Variants in LRRC4C observed in about 807,000 individuals in gnomAD.
The protein encoded by LRRC4C is leucine-rich repeat-containing protein 4C.
LRRC4C carries 5 observed loss-of-function variants against 33.6 expected under a neutral mutation model. The ratio of observed to expected loss-of-function variants is 0.15; its 90% CI spans 0.08 to 0.31. The LOEUF is 0.31. LRRC4C is among the 10% of genes least tolerant of loss of function. The probability of loss-of-function intolerance (pLI) is 1.00; values close to 1 mark genes in which losing one functional copy is unlikely to be tolerated. For missense variants in LRRC4C, 560 were observed against 796.7 expected (o/e 0.70, Z 3.58); for synonymous variants, 329 against 302.0 (o/e 1.09, Z -0.93).
chr11:40,500,946 G>C (rs543262262), intron 3 of LRRC4C, among the ~76,000 whole-genome samples: 1 of 151,888 alleles, frequency 6.6e-6, no homozygotes, highest in Non-Finnish European at 1.5e-5. Flanking sequence ...TCAAAAGAAA[G>C]TTAGTTACTT....
chr11:41,030,082 T>C (rs1318654529), intron 1 of LRRC4C, among the ~76,000 whole-genome samples: 1 of 151,868 alleles, frequency 6.6e-6, no homozygotes, highest in Non-Finnish European at 1.5e-5. Flanking sequence ...CATTTTGCAA[T>C]TCAGTGCTCA....
chr11:41,134,296 C>T (rs1943156311), intron 1 of LRRC4C, among the ~76,000 whole-genome samples: 2 of 152,040 alleles, frequency 1.3e-5, no homozygotes, highest in African/African-American at 4.8e-5. Flanking sequence ...TAGAGACAGA[C>T]TCTCTCTGTG....
At chr11:41,346,412 TCCTCCTACCATTC>T (rs1331135371) in intron 1 of LRRC4C, among the ~76,000 whole-genome samples, 1 of 152,184 alleles carries the variant, frequency 6.6e-6, no homozygotes, top group Non-Finnish European at 1.5e-5. Context: ...CTAAGATGAT[TCCTCCTACCATTC>T]ACTCCTCCAG....
chr11:41,108,370 T>G (rs2135680435), intron 1 of LRRC4C, among the ~76,000 whole-genome samples: 1 of 152,208 alleles, frequency 6.6e-6, no homozygotes, highest in Middle Eastern at 3.4e-3. Flanking sequence ...TAAGATAAGG[T>G]TAGTAATACA....
chr11:41,301,186 G>T (rs1472064749), intron 1 of LRRC4C, among the ~76,000 whole-genome samples: 5 of 152,182 alleles, frequency 3.3e-5, no homozygotes, highest in African/African-American at 1.2e-4. Flanking sequence ...CTCTGCTCCT[G>T]TGAGTTGAAG....
rs1424388756 is a variant in LRRC4C, at chr11:40,148,461, G to A, written c.-95-7608C>T. ...ATGTTGAGCTTTTTGTCATATGCTT[G>A]TGGCCACATGTATGTCTTTTTTAAA... On this transcript the variant is annotated intron_variant, in intron 5 of 6. Transcript: ENST00000528697. Among the ~76,000 whole-genome samples the A allele has an allele frequency of 3.3e-5, 5 of 151,966 alleles. 1 individual carries two copies. Among genetic ancestry groups the A allele is most frequent in the Admixed American group, 3.3e-4 (5 of 15,262 alleles).
chr11:40,493,230 G>A (rs530890289), intron 3 of LRRC4C, among the ~76,000 whole-genome samples: 19 of 152,010 alleles, frequency 1.2e-4, no homozygotes, highest in African/African-American at 4.6e-4. Context: ...ATTATGTAAG[G>A]AAATGGTAAC....
rs536522723 is a variant in LRRC4C at position 41,125,422 on chromosome 11, C to T, written c.-495-191699G>A. ...TTTAGCTTCTGGCATAAAAATATGCCTATTTTTGTCTGAAACAACACTAAG... is the reference window on the plus strand; with the variant it reads ...TTTAGCTTCTGGCATAAAAATATGCTTATTTTTGTCTGAAACAACACTAAG... On this transcript the variant is annotated intron_variant, in intron 1 of 6. Coordinates refer to ENST00000528697, the MANE Select transcript of LRRC4C (RefSeq NM_001258419.2). 1.7e-4 allele frequency among the ~76,000 whole-genome samples: 26 copies of T among 152,086 alleles called. No individual in the cohort carries two copies. The South Asian group carries it at 5.4e-3, about 32-fold the overall frequency.
At chr11:41,298,841 A>G (rs1011984851) in intron 1 of LRRC4C, among the ~76,000 whole-genome samples, 1 of 151,788 alleles carries the variant, frequency 6.6e-6, no homozygotes, top group Non-Finnish European at 1.5e-5. Context: ...TTTACACTCT[A>G]TGTTCATTTG....
At chr11:40,455,342 C>T (rs111970178) in intron 3 of LRRC4C, among the ~76,000 whole-genome samples, 5 of 152,282 alleles carry the variant, frequency 3.3e-5, no homozygotes, top group African/African-American at 1.2e-4. Context: ...TGTGTCCCTG[C>T]TCTCCAAGGA....
chr11:41,149,801 A>G (rs1413042920), intron 1 of LRRC4C, among the ~76,000 whole-genome samples: 3 of 152,140 alleles, frequency 2.0e-5, no homozygotes, highest in Non-Finnish European at 4.4e-5. Flanking sequence ...AGCAAACAGG[A>G]GTTAAGAGTA....
At chr11:40,910,345 T>A (rs1956612400) in intron 2 of LRRC4C, among the ~76,000 whole-genome samples, 1 of 152,162 alleles carries the variant, frequency 6.6e-6, no homozygotes, top group South Asian at 2.1e-4. Flanking sequence ...TAGGAAGACT[T>A]CTATCAAAAG....
chr11:40,606,506 G>GCA (rs1338269171), intron 3 of LRRC4C, among the ~76,000 whole-genome samples: 2 of 151,150 alleles, frequency 1.3e-5, no homozygotes, highest in Non-Finnish European at 2.9e-5. Flanking sequence ...AAATTACAAG[G>GCA]CACACAAAGA....
intron 1 of LRRC4C, among the ~76,000 whole-genome samples, chr11:41,288,896 C>G (rs1044634234): frequency 6.9e-6 from 1 of 145,574 alleles, no homozygotes; most frequent in Admixed American, 7.1e-5. Context: ...ATCTCCTTTT[C>G]TAGGGAGGGT....
chr11:41,285,571 G>A (rs1299731468), intron 1 of LRRC4C, among the ~76,000 whole-genome samples: 1 of 152,078 alleles, frequency 6.6e-6, no homozygotes, highest in East Asian at 1.9e-4. Context: ...GCATGTCCAA[G>A]GTTCAGAGAC....
rs554168035 is a variant in LRRC4C at position 40,606,241 on chromosome 11, G to A, written c.-270+41901C>T. On this transcript the variant is annotated intron_variant, in intron 3 of 6. Transcript: ENST00000528697. ...GCAAAAGGGATATAGGTCACTTATT[G>A]TAGCGCTAGAGAAGTTAGAGTACTG... 4.6e-5 allele frequency among the ~76,000 whole-genome samples: 7 copies of A among 152,280 alleles called. No individual in the cohort carries two copies. The South Asian group carries it at 1.5e-3, about 32-fold the overall frequency.
chr11:40,989,819 C>A (rs1240935606), intron 1 of LRRC4C, among the ~76,000 whole-genome samples: 2 of 151,988 alleles, frequency 1.3e-5, no homozygotes, highest in Non-Finnish European at 2.9e-5. Flanking sequence ...CCCTCCATAT[C>A]CTTGCCTTCC....
At chr11:40,431,615 A>G (rs1950940307) in intron 3 of LRRC4C, among the ~76,000 whole-genome samples, 1 of 151,966 alleles carries the variant, frequency 6.6e-6, no homozygotes, top group Non-Finnish European at 1.5e-5. Context: ...GTCCCCAAAT[A>G]TTAAACTCCC....
intron 3 of LRRC4C, among the ~76,000 whole-genome samples, chr11:40,639,407 T>G (rs1253315274): frequency 6.6e-6 from 1 of 152,188 alleles, no homozygotes; most frequent in African/African-American, 2.4e-5. Context: ...GGGGCAGTAG[T>G]CACACCACAG....
Sources: gnomAD v4.1 joint callset for allele counts (sites outside exome capture counted in the v4.1 genomes callset) on GRCh38, gnomAD v4.1.1 for gene constraint, MANE v1.5 for transcripts, NCBI Gene and HGNC (gene_info 2026-07-23, HGNC 2026-07-21) for gene names.